The following POLR3A variants were observed in gnomAD, a reference collection of about 807,000 sequenced individuals.
POLR3A encodes the protein DNA-directed RNA polymerase III subunit RPC1.
In POLR3A, 112 loss-of-function variants were observed where a neutral mutation model predicts 152.8. The ratio of observed to expected loss-of-function variants is 0.73; its 90% CI spans 0.63 to 0.86. The LOEUF (loss-of-function observed/expected upper bound fraction) is 0.86, where lower values mean the gene tolerates loss of function less well. Ranked by LOEUF, POLR3A falls within the 40% of genes least tolerant of loss-of-function variation. The pLI is 0.00. For missense variants in POLR3A, 1,385 were observed against 1,743.1 expected (o/e 0.79, Z 3.66); for synonymous variants, 615 against 652.1 (o/e 0.94, Z 0.87).
chr10:78,017,473 T>G, intron 10 of POLR3A, 102 bp downstream of exon 10: 331 of 1,229,052 alleles, frequency 2.7e-4, no homozygotes, highest in Non-Finnish European at 3.7e-4. Context: ...TATGAAAACT[T>G]GAGATAACAG....
At chr10:77,994,651 T>C (rs1000493506) in intron 19 of POLR3A, among the ~76,000 whole-genome samples, 4 of 152,078 alleles carry the variant, frequency 2.6e-5, no homozygotes, top group Admixed American at 1.3e-4. Flanking sequence ...TGAAGAAATA[T>C]GGGACTATGT....
chr10:78,009,739 A>G (rs1847446778), intron 13 of POLR3A, 64 bp from the exon 14 acceptor site: 1 of 1,613,504 alleles, frequency 6.2e-7, no homozygotes. Flanking sequence ...CCTTCAGTAG[A>G]CGAAGCCAGG....
intron 16 of POLR3A, among the ~76,000 whole-genome samples, chr10:78,003,432 G>A (rs1431348701): frequency 2.6e-5 from 4 of 152,360 alleles, no homozygotes; most frequent in Admixed American, 1.3e-4. Flanking sequence ...ACGGCCAGGT[G>A]AAAGCCTGGT....
intron 5 of POLR3A, 110 bp from the exon 6 acceptor site, chr10:78,022,494 G>A (rs1342090698): frequency 3.1e-5 from 34 of 1,113,800 alleles, no homozygotes; most frequent in Non-Finnish European, 4.0e-5. Context: ...AAGGATAAGT[G>A]ACAACAGAGA....
intron 21 of POLR3A, among the ~76,000 whole-genome samples, chr10:77,987,378 G>A (rs1430285809): frequency 3.3e-5 from 5 of 152,130 alleles, no homozygotes; most frequent in Admixed American, 2.0e-4. Context: ...CTGGCCAAAT[G>A]CAGGCATTCA....
At chr10:77,989,007 G>A (rs1847223143) in intron 21 of POLR3A, among the ~76,000 whole-genome samples, 1 of 152,216 alleles carries the variant, frequency 6.6e-6, no homozygotes, top group African/African-American at 2.4e-5. Context: ...CACTGGGAAT[G>A]ACATAGCTCA....
rs887753738 is a variant in POLR3A, at chr10:78,025,778, C to T, written c.181-19G>A. 6.2e-7 allele frequency: 1 copy of T among 1,613,304 alleles called. No individual in the cohort carries two copies. Among genetic ancestry groups the T allele is most frequent in the South Asian group, 1.1e-5 (1 of 91,066 alleles). ...TCGTACCCTTTGAAAAAAAGCACACCCAATGATCAACACAGACTGCTGGAC... is the reference window on the plus strand; with the variant it reads ...TCGTACCCTTTGAAAAAAAGCACACTCAATGATCAACACAGACTGCTGGAC... On this transcript the variant is annotated intron_variant, in intron 2 of 30. Coordinates refer to ENST00000372371, the MANE Select transcript of POLR3A (RefSeq NM_007055.4).
chr10:78,020,253 A>T (rs1454393188), intron 8 of POLR3A: 1 of 151,994 alleles, frequency 6.6e-6, no homozygotes, highest in Non-Finnish European at 1.5e-5. Context: ...TGGGAGGCTA[A>T]GGTGGGATGA....
In POLR3A at chr10:77,977,471, C is replaced by CT. The variant is rs1372135242; in HGVS notation, c.*6dup. The CT allele has an allele frequency of 3.1e-6, 5 of 1,613,958 alleles. No homozygotes were observed. In the East Asian group the frequency reaches 1.1e-4, roughly 36 times the overall value. On this transcript the variant is annotated 3_prime_UTR_variant, in exon 31 of 31. Coordinates refer to ENST00000372371, the MANE Select transcript of POLR3A (RefSeq NM_007055.4). ...CAAGGTCAGGCATGGTCCCCTCTTT[C>CT]TTTGGACTATGTGACAAGGGGGATG...
At chr10:78,015,542 G>A (rs12260131) in intron 10 of POLR3A, among the ~76,000 whole-genome samples, 4,860 of 152,134 alleles carry the variant, frequency 0.032, 289 homozygotes, top group African/African-American at 0.11. Context: ...TGTCCAGGCT[G>A]GTCTCGAACT....
At chr10:78,014,121 C>T (rs933888634) in intron 10 of POLR3A, among the ~76,000 whole-genome samples, 10 of 151,156 alleles carry the variant, frequency 6.6e-5, no homozygotes, top group African/African-American at 2.4e-4. Context: ...CGCGCCATTG[C>T]ACCCCAGCCT....
intron 16 of POLR3A, among the ~76,000 whole-genome samples, chr10:78,004,287 A>C (rs1020056383): frequency 6.6e-6 from 1 of 152,062 alleles, no homozygotes; most frequent in Non-Finnish European, 1.5e-5. Context: ...CCAAACCCCC[A>C]AAAACCAAAG....
chr10:78,023,031 G>A (rs1400527269), intron 5 of POLR3A, among the ~76,000 whole-genome samples: 1 of 151,604 alleles, frequency 6.6e-6, no homozygotes, highest in Non-Finnish European at 1.5e-5. Flanking sequence ...GGTGGCACAC[G>A]CCTGTAATCC....
chr10:78,023,281 T>C (rs1420738881), intron 5 of POLR3A, among the ~76,000 whole-genome samples: 2 of 149,660 alleles, frequency 1.3e-5, no homozygotes, highest in Non-Finnish European at 3.0e-5. Context: ...GTCAACATAG[T>C]AAAACCCTGT....
chr10:77,993,417 A>G (rs749814493), intron 19 of POLR3A, 50 bp from the exon 20 acceptor site: 1 of 1,391,704 alleles, frequency 7.2e-7, no homozygotes, highest in Non-Finnish European at 1.0e-6. Context: ...GACTAGTCAC[A>G]TGGGGAGAGG....
intron 23 of POLR3A, among the ~76,000 whole-genome samples, chr10:77,985,542 G>A (rs544488047): frequency 1.0e-3 from 157 of 152,310 alleles, no homozygotes; most frequent in African/African-American, 3.7e-3. Flanking sequence ...TCAGAGAGGG[G>A]GCAGCAGTGC....
intron 10 of POLR3A, among the ~76,000 whole-genome samples, chr10:78,015,107 T>C (rs1490264187): frequency 6.6e-6 from 1 of 152,210 alleles, no homozygotes; most frequent in Non-Finnish European, 1.5e-5. Context: ...AAGAGATGAC[T>C]GTTAATTTTG....
intron 11 of POLR3A, among the ~76,000 whole-genome samples, chr10:78,012,056 T>C (rs950569602): frequency 1.3e-5 from 2 of 152,310 alleles, no homozygotes; most frequent in East Asian, 1.9e-4. Flanking sequence ...AAAAATAATA[T>C]ATGCTCATTA....
chr10:78,019,334 C>A (rs80017246), intron 8 of POLR3A, 69 bp from the exon 9 acceptor site: 4 of 1,042,906 alleles, frequency 3.8e-6, no homozygotes, highest in Admixed American at 3.4e-5. Context: ...TACTGAAATG[C>A]GTCTTAATCT....
Sources: allele counts gnomAD v4.1 joint callset (sites outside exome capture counted in the v4.1 genomes callset), GRCh38; gene constraint gnomAD v4.1.1; transcripts MANE v1.5; gene names NCBI Gene and HGNC (gene_info 2026-07-23, HGNC 2026-07-21).